Variants in PJA2 observed in about 807,000 individuals in gnomAD.
PJA2 encodes the protein praja ring finger ubiquitin ligase 2.
In PJA2, 25 loss-of-function variants were observed where a neutral mutation model predicts 69.3. The ratio of observed to expected loss-of-function variants is 0.36; its 90% CI spans 0.26 to 0.50. PJA2 has a LOEUF of 0.50. Ranked by LOEUF, PJA2 falls within the 20% of genes least tolerant of loss-of-function variation. PJA2 has a pLI of 0.96. For missense variants in PJA2, 809 were observed against 830.2 expected, an observed-to-expected ratio of 0.97 and a Z score of 0.31; for synonymous variants, 308 against 277.8, an observed-to-expected ratio of 1.11 and a Z score of -1.08.
At chr5:109,374,483 T>A (rs1006296663) in intron 4 of PJA2, among the ~76,000 whole-genome samples, 14 of 151,730 alleles carry the variant, frequency 9.2e-5, no homozygotes, top group African/African-American at 3.4e-4. Context: ...CTCACAATAA[T>A]AAATACGTAT....
At chr5:109,339,609 T>C (rs988452465) in intron 9 of PJA2, among the ~76,000 whole-genome samples, 1 of 152,092 alleles carries the variant, frequency 6.6e-6, no homozygotes, top group African/African-American at 2.4e-5. Flanking sequence ...ATTTTAAGAG[T>C]TGGTGGCTCT....
At chr5:109,376,315 T>G in intron 4 of PJA2, among the ~76,000 whole-genome samples, 2 of 139,194 alleles carry the variant, frequency 1.4e-5, no homozygotes, top group East Asian at 4.3e-4. Flanking sequence ...AAGAAAAAAA[T>G]TAAAAATAAG....
At chr5:109,349,598 T>C (rs1205498209) in intron 7 of PJA2, among the ~76,000 whole-genome samples, 3 of 152,154 alleles carry the variant, frequency 2.0e-5, no homozygotes, top group Non-Finnish European at 4.4e-5. Context: ...CTAAGAGAGC[T>C]GACTTCCAGC....
intron 9 of PJA2, among the ~76,000 whole-genome samples, chr5:109,341,857 C>A (rs1387214056): frequency 5.5e-5 from 6 of 109,988 alleles, no homozygotes; most frequent in Non-Finnish European, 1.1e-4. Flanking sequence ...GCCAGCCGCC[C>A]CGTCCGGGAG....
intron 7 of PJA2, 138 bp from the exon 8 acceptor site, chr5:109,344,957 TTGCCTCTTCAGAAGGA>T: frequency 1.9e-6 from 1 of 532,224 alleles, no homozygotes; most frequent in Non-Finnish European, 3.3e-6. Flanking sequence ...TTTGCTCCTT[TTGCCTCTTCAGAAGGA>T]ACTACCACCA....
chr5:109,379,913 A>T (rs1747000117), intron 3 of PJA2, among the ~76,000 whole-genome samples: 1 of 152,152 alleles, frequency 6.6e-6, no homozygotes, highest in African/African-American at 2.4e-5. Context: ...CTGAAACATG[A>T]GTAAAATCAT....
chr5:109,346,080 C>G (rs768419525), intron 7 of PJA2, among the ~76,000 whole-genome samples: 9 of 152,226 alleles, frequency 5.9e-5, no homozygotes, highest in Non-Finnish European at 1.3e-4. Flanking sequence ...TAAGTCCTGT[C>G]TCTTCCATGA....
chr5:109,391,568 G>C (rs150858587), intron 1 of PJA2, among the ~76,000 whole-genome samples: 255 of 151,606 alleles, frequency 1.7e-3, no homozygotes, highest in Non-Finnish European at 1.8e-3. Context: ...AGAAGTCCAT[G>C]TCATCTGAGC....
chr5:109,383,638 G>A (rs1747098448), intron 1 of PJA2, 118 bp from the exon 2 acceptor site: 2 of 451,494 alleles, frequency 4.4e-6, no homozygotes, highest in Middle Eastern at 5.8e-4. Context: ...ACAATGTGAT[G>A]TAGCCAGCAT....
intron 4 of PJA2, among the ~76,000 whole-genome samples, chr5:109,372,923 A>AAAAAAAAAAAAAAAAAAAAAAAAG (rs1272538036): frequency 8.0e-5 from 11 of 136,872 alleles, no homozygotes; most frequent in African/African-American, 2.8e-4. Flanking sequence ...AAAAAAAAAA[A>AAAAAAAAAAAAAAAAAAAAAAAAG]AAAGAAAGAA....
chr5:109,397,492 A>G (rs1747440254), intron 1 of PJA2, among the ~76,000 whole-genome samples: 1 of 151,474 alleles, frequency 6.6e-6, no homozygotes, highest in Admixed American at 6.6e-5. Context: ...CACTTCTCCT[A>G]GTAGAAAAAA....
intron 6 of PJA2, among the ~76,000 whole-genome samples, chr5:109,362,435 T>C (rs1444169137): frequency 2.0e-5 from 3 of 152,150 alleles, no homozygotes; most frequent in East Asian, 3.8e-4. Flanking sequence ...AAAGGAAGAA[T>C]AGGGAAGGAG....
chr5:109,348,662 C>A (rs1427122973), intron 7 of PJA2, among the ~76,000 whole-genome samples: 1 of 152,104 alleles, frequency 6.6e-6, no homozygotes, highest in Admixed American at 6.5e-5. Flanking sequence ...GTTACCAGAA[C>A]TACAGCAGAC....
At chr5:109,342,078 C>G in intron 9 of PJA2, among the ~76,000 whole-genome samples, 1 of 132,872 alleles carries the variant, frequency 7.5e-6, no homozygotes. Flanking sequence ...CCCGGCCAGC[C>G]GCCCCGTCCG....
chr5:109,396,599 G>C (rs1040577383), intron 1 of PJA2, among the ~76,000 whole-genome samples: 1 of 151,124 alleles, frequency 6.6e-6, no homozygotes, highest in Non-Finnish European at 1.5e-5. Context: ...GCTAAATTTT[G>C]TATTTTTAGT....
At chr5:109,398,494 C>T (rs1307023932) in intron 1 of PJA2, among the ~76,000 whole-genome samples, 5 of 151,730 alleles carry the variant, frequency 3.3e-5, no homozygotes, top group Non-Finnish European at 4.4e-5. Context: ...GGATGAAGCT[C>T]GAAACCATCA....
rs976727326 is a variant in PJA2 at position 109,353,385 on chromosome 5, C to A, written c.1764+2530G>T. 2.3e-5 allele frequency among the ~76,000 whole-genome samples: 3 copies of A among 130,546 alleles called. No homozygotes were observed. The South Asian group carries it at 7.3e-4, about 32-fold the overall frequency. 85.6% of individuals were successfully genotyped at this position (130,546 alleles called of 152,430 possible). ...ATTAGATACCTATTATATCTATAGA[C>A]ATCTATATATTAGATACCTATATCT... On this transcript the variant is annotated intron_variant, in intron 7 of 9. Transcript: ENST00000361189.
At chr5:109,403,455 T>C (rs771892533) in intron 1 of PJA2, among the ~76,000 whole-genome samples, 2 of 151,564 alleles carry the variant, frequency 1.3e-5, no homozygotes, top group Non-Finnish European at 2.9e-5. Flanking sequence ...GTAAAACAAA[T>C]AATACTAATC....
chr5:109,358,792 G>C (rs1762464025), intron 6 of PJA2, among the ~76,000 whole-genome samples: 1 of 152,168 alleles, frequency 6.6e-6, no homozygotes, highest in Non-Finnish European at 1.5e-5. Flanking sequence ...CTGCACTCCA[G>C]CCAGGGTGAC....
Sources: allele counts gnomAD v4.1 joint callset (sites outside exome capture counted in the v4.1 genomes callset), GRCh38; gene constraint gnomAD v4.1.1; transcripts MANE v1.5; gene names NCBI Gene and HGNC (gene_info 2026-07-23, HGNC 2026-07-21).